The following ERG variants were observed in gnomAD, a reference collection of about 807,000 sequenced individuals.
The protein encoded by ERG is transcriptional regulator ERG.
A neutral mutation model predicts 55.3 loss-of-function variants in ERG; 9 were observed. The observed-to-expected ratio is 0.16, with a 90% confidence interval of 0.10 to 0.28. The LOEUF (loss-of-function observed/expected upper bound fraction) is 0.28, where lower values mean the gene tolerates loss of function less well. Ranked by LOEUF, ERG falls within the 10% of genes least tolerant of loss-of-function variation. The probability of loss-of-function intolerance (pLI) is 1.00; values close to 1 mark genes in which losing one functional copy is unlikely to be tolerated. For missense variants in ERG, 434 were observed against 631.6 expected (o/e 0.69, Z 3.35); for synonymous variants, 223 against 237.3 (o/e 0.94, Z 0.55).
chr21:38,400,256 G>A (rs1016340326), intron 6 of ERG: 1 of 470,996 alleles, frequency 2.1e-6, no homozygotes, highest in Non-Finnish European at 4.0e-6. Flanking sequence ...TTCCCCCGAG[G>A]AGGGACAGAT....
Position 38,381,522 on chromosome 21 carries a change from T to C in ERG, c.*1881A>G. 6.6e-6 allele frequency: 7 copies of C among 1,064,134 alleles called. No homozygotes were observed. The highest frequency in any genetic ancestry group is 8.0e-6 in the Non-Finnish European group (7 of 878,580). The allele number at this position is 1,064,134 out of a possible 1,614,324, so 65.9% of individuals were successfully genotyped here. ...CTAAAGCTGTCTACCTAGTGAGAGC[T>C]CCTGAAAGAGAAACCCCGCAGCAAA... On this transcript the variant is annotated 3_prime_UTR_variant, in exon 10 of 10. Coordinates refer to ENST00000288319, the MANE Select transcript of ERG (RefSeq NM_182918.4).
At chr21:38,661,265 T>A (rs62217518) in intron 1 of ERG, among the ~76,000 whole-genome samples, 1 of 151,868 alleles carries the variant, frequency 6.6e-6, no homozygotes, top group African/African-American at 2.4e-5. Context: ...TCCAGCCTCA[T>A]TGAAAACCGT....
chr21:38,382,192 C>T lies in ERG; in HGVS notation c.*1211G>A, dbSNP rs188236598. ...TGTCTTTGGCTGGCCGAGATCAACT[C>T]GTAGTGTATAAATGCATAAGTTATA... On this transcript the variant is annotated 3_prime_UTR_variant, in exon 10 of 10. Transcript: ENST00000288319. 2.6e-4 allele frequency: 276 copies of T among 1,049,670 alleles called. No individual in the cohort carries two copies. The highest frequency in any genetic ancestry group is 3.3e-4 in the Admixed American group (6 of 18,164). 65.0% of individuals were successfully genotyped at this position (1,049,670 alleles called of 1,614,324 possible). A position where few individuals can be genotyped will look rare whatever the true frequency, so the allele number is the denominator to read the frequency against.
chr21:38,651,536 T>C (rs1365250878), intron 1 of ERG, among the ~76,000 whole-genome samples: 2 of 152,350 alleles, frequency 1.3e-5, no homozygotes, highest in African/African-American at 4.8e-5. Flanking sequence ...CTCATCCATA[T>C]TTTACACTGA....
intron 1 of ERG, among the ~76,000 whole-genome samples, chr21:38,468,995 A>AG (rs1002438486): frequency 4.3e-5 from 3 of 69,060 alleles, no homozygotes; most frequent in African/African-American, 1.0e-4. Flanking sequence ...AAAAAAAAAA[A>AG]AAAAAAGAAA....
At chr21:38,524,303 A>G (rs966332101) in intron 2 of ERG, among the ~76,000 whole-genome samples, 2 of 152,228 alleles carry the variant, frequency 1.3e-5, no homozygotes, top group African/African-American at 4.8e-5. Flanking sequence ...GAATTTCTAT[A>G]AACAAAGAAT....
chr21:38,618,825 C>T (rs573541392), intron 1 of ERG, among the ~76,000 whole-genome samples: 152 of 152,286 alleles, frequency 1.0e-3, no homozygotes, highest in Non-Finnish European at 1.9e-3. Flanking sequence ...CAAGTGACAA[C>T]TTTGTGCCTC....
chr21:38,549,548 T>A (rs9978706), intron 2 of ERG, among the ~76,000 whole-genome samples: 76,396 of 151,730 alleles, frequency 0.5, 20,502 homozygotes, highest in Non-Finnish European at 0.62. Context: ...ATTGTTGGGG[T>A]TTATTATTTG....
intron 1 of ERG, among the ~76,000 whole-genome samples, chr21:38,488,509 A>G (rs2059307533): frequency 6.6e-6 from 1 of 151,860 alleles, no homozygotes; most frequent in African/African-American, 2.4e-5. Context: ...ATGATGCCCT[A>G]TTGTTTAGTG....
chr21:38,402,202 G>A lies in ERG; in HGVS notation c.673+355C>T, dbSNP rs548045010. Among the ~76,000 whole-genome samples, 8 of 152,160 alleles carry A rather than the reference G, an allele frequency of 5.3e-5. No individual in the cohort carries two copies. The East Asian group carries it at 1.2e-3, about 22-fold the overall frequency. ...AGGTTGCTAAGGGCCCTTTTATATC[G>A]AACATGCTTTTAGTGTCTACAGAGT... is the stretch of plus-strand genomic sequence containing the variant. On this transcript the variant is annotated intron_variant, in intron 5 of 9. Transcript: ENST00000288319.
At chr21:38,404,459 G>C (rs1441584400) in intron 3 of ERG, among the ~76,000 whole-genome samples, 3 of 152,190 alleles carry the variant, frequency 2.0e-5, no homozygotes, top group Admixed American at 1.3e-4. Flanking sequence ...ATGGGACAGG[G>C]AGAGCAGGGC....
At chr21:38,490,621 TGTTAGCTCCCCCTGC>T (rs1276661631) in intron 1 of ERG, among the ~76,000 whole-genome samples, 3 of 152,298 alleles carry the variant, frequency 2.0e-5, no homozygotes, top group Admixed American at 2.0e-4. Flanking sequence ...GGGGCACTGC[TGTTAGCTCCCCCTGC>T]GTCCTGGCAG....
chr21:38,611,435 C>T (rs1412352594), intron 1 of ERG, among the ~76,000 whole-genome samples: 1 of 152,048 alleles, frequency 6.6e-6, no homozygotes, highest in Non-Finnish European at 1.5e-5. Flanking sequence ...GTGACCTCAT[C>T]TCCACTCCTC....
At chr21:38,562,756 G>A (rs554515492) in intron 2 of ERG, among the ~76,000 whole-genome samples, 2 of 152,268 alleles carry the variant, frequency 1.3e-5, no homozygotes, top group African/African-American at 4.8e-5. Context: ...GCTTCAAGAG[G>A]TTGCAGGGAC....
intron 1 of ERG, among the ~76,000 whole-genome samples, chr21:38,579,562 G>A (rs922297864): frequency 2.0e-5 from 3 of 152,174 alleles, no homozygotes; most frequent in Non-Finnish European, 2.9e-5. Context: ...GAAGCATGAG[G>A]ACTGGAGGAA....
At chr21:38,492,484 T>C (rs557496446) in intron 1 of ERG, among the ~76,000 whole-genome samples, 1 of 152,386 alleles carries the variant, frequency 6.6e-6, no homozygotes, top group Non-Finnish European at 1.5e-5. Flanking sequence ...TAACTTCCTC[T>C]TTATGATTTC....
chr21:38,573,652 C>T (rs942577312), intron 2 of ERG, among the ~76,000 whole-genome samples: 1 of 152,204 alleles, frequency 6.6e-6, no homozygotes, highest in Non-Finnish European at 1.5e-5. Context: ...TATTATCACC[C>T]TGCTCTCCTA....
Position 38,498,262 on chromosome 21 carries a change from G to T in ERG, c.18+101C>A. On this transcript the variant is annotated intron_variant, in intron 1 of 9. Coordinates refer to ENST00000288319, the MANE Select transcript of ERG (RefSeq NM_182918.4). The surrounding 1 kb of genome is among the most constrained non-coding windows in gnomAD (Gnocchi z 4.6). Reference sequence around the variant, plus strand: ...TTGTTGTCCTCTATTGTGGCAGTGGGGGTGTTGCCCAACCCTAACTTATCT... The same window carrying T: ...TTGTTGTCCTCTATTGTGGCAGTGGTGGTGTTGCCCAACCCTAACTTATCT... The T allele has an allele frequency of 1.0e-6, 1 of 966,838 alleles. No individual in the cohort carries two copies. Among genetic ancestry groups the T allele is most frequent in the Non-Finnish European group, 1.7e-6 (1 of 605,404 alleles). 59.9% of individuals were successfully genotyped at this position (966,838 alleles called of 1,614,324 possible). A position where few individuals can be genotyped will look rare whatever the true frequency, so the allele number is the denominator to read the frequency against.
intron 2 of ERG, among the ~76,000 whole-genome samples, chr21:38,573,104 T>A (rs1317850000): frequency 6.6e-6 from 1 of 152,216 alleles, no homozygotes; most frequent in Non-Finnish European, 1.5e-5. Flanking sequence ...CTTGTTAACA[T>A]GTTTACAAGC....
Sources: allele counts gnomAD v4.1 joint callset (sites outside exome capture counted in the v4.1 genomes callset), GRCh38; gene constraint gnomAD v4.1.1; non-coding constraint Gnocchi (gnomAD v3.1); transcripts MANE v1.5; gene names NCBI Gene and HGNC (gene_info 2026-07-23, HGNC 2026-07-21).